The following MN1 variants were observed in gnomAD, a reference collection of about 807,000 sequenced individuals.
MN1 encodes MN1 proto-oncogene, transcriptional regulator.
MN1 carries 19 observed loss-of-function variants against 86.9 expected under a neutral mutation model. That is an observed-to-expected ratio of 0.22 (90% CI 0.15 to 0.32). The LOEUF (loss-of-function observed/expected upper bound fraction) is 0.32, where lower values mean the gene tolerates loss of function less well. Ranked by LOEUF, MN1 falls within the 10% of genes least tolerant of loss-of-function variation. The pLI is 1.00. For synonymous variants in MN1, 928 were observed against 849.6 expected, an observed-to-expected ratio of 1.09 and a Z score of -1.60; for missense variants, 1,841 against 1,862.0, an observed-to-expected ratio of 0.99 and a Z score of 0.21.
intron 1 of MN1, among the ~76,000 whole-genome samples, chr22:27,789,189 T>A (rs544987757): frequency 6.6e-6 from 1 of 152,280 alleles, no homozygotes; most frequent in East Asian, 1.9e-4. Flanking sequence ...TTTTGAGACA[T>A]GCAGGATAAA....
In MN1 at chr22:27,797,658, G is replaced by C; in HGVS notation, c.2886C>G (p.Tyr962Ter). 1 of 1,604,246 alleles carries C rather than the reference G, an allele frequency of 6.2e-7. No homozygotes were observed. The highest frequency in any genetic ancestry group is 8.5e-7 in the Non-Finnish European group (1 of 1,175,898). ...CGCCCCCGCTGTCCGGAGCCGCCGA[G>C]TACTTGTCAAAGAAGGTGCCAGGGC... ...HVSPGTFFDK[Y>*]SAAPDSGGAP... Residue 962 changes from tyrosine (Y) to a stop codon, truncating the protein, a stop_gained, in exon 1 of 2, where the codon TAC becomes TAG. Coordinates refer to ENST00000302326, the MANE Select transcript of MN1 (RefSeq NM_002430.3). LOFTEE classifies it high-confidence loss of function.
At chr22:27,766,766 G>C (rs1932872773) in intron 1 of MN1, among the ~76,000 whole-genome samples, 1 of 152,126 alleles carries the variant, frequency 6.6e-6, no homozygotes, top group East Asian at 1.9e-4. Flanking sequence ...AAGGGCAGAA[G>C]TGTGACTAGA....
Position 27,797,885 on chromosome 22 carries a change from C to T in MN1, c.2659G>A (p.Ala887Thr). 1.3e-6 allele frequency: 2 copies of T among 1,593,920 alleles called. No homozygotes were observed. The highest frequency in any genetic ancestry group is 1.7e-6 in the Non-Finnish European group (2 of 1,170,666). ...CCGGACGGGCCTCCGGGTCCTGGGG[C>T]CCCAGGAGCAGTCCCTCCTGGGAAG... ...DYFPGGTAPG[A>T]PGPGGPSGTS... The change falls in exon 1 of 2, where the codon GCC becomes ACC. Residue 887 changes from alanine to threonine, a missense_variant. Coordinates refer to ENST00000302326, the MANE Select transcript of MN1 (RefSeq NM_002430.3).
intron 1 of MN1, among the ~76,000 whole-genome samples, chr22:27,759,884 C>T (rs1418902780): frequency 6.6e-6 from 1 of 152,206 alleles, no homozygotes; most frequent in Non-Finnish European, 1.5e-5. Flanking sequence ...AGATATACAA[C>T]CCTCCCCCCA....
intron 1 of MN1, among the ~76,000 whole-genome samples, chr22:27,785,403 T>G (rs1013984190): frequency 2.6e-5 from 4 of 151,642 alleles, no homozygotes; most frequent in Non-Finnish European, 5.9e-5. Context: ...ACCAAAGGAG[T>G]CCTCCCCCAC....
Position 27,801,523 on chromosome 22 carries a change from G to A in MN1, c.-980C>T. On this transcript the variant is annotated 5_prime_UTR_variant, in exon 1 of 2. Coordinates refer to ENST00000302326, the MANE Select transcript of MN1 (RefSeq NM_002430.3). ...CTGAGGTGCTTCGCGAGTCCCTCTC[G>A]GACCTGAGGGAGGGGGGCGTACGCG... 5.4e-6 allele frequency: 1 copy of A among 184,340 alleles called. No homozygotes were observed. Among genetic ancestry groups the A allele is most frequent in the East Asian group, 8.7e-5 (1 of 11,480 alleles). 11.4% of individuals were successfully genotyped at this position (184,340 alleles called of 1,614,324 possible). A position where few individuals can be genotyped will look rare whatever the true frequency, so the allele number is the denominator to read the frequency against.
At position 27,798,268 on chromosome 22, in the gene MN1, C is replaced by T. The variant is rs1330671939; in HGVS notation, c.2276G>A (p.Ser759Asn). The change falls in exon 1 of 2, where the codon AGC (serine) becomes AAC (asparagine). Residue 759 changes from serine to asparagine, a missense_variant. Ser to Asn is a conservative substitution (Grantham distance 46, BLOSUM62 1). Coordinates refer to ENST00000302326, the MANE Select transcript of MN1 (RefSeq NM_002430.3). ...GGGGGGCGAGTTCACGCCTGGACCGCTGTGCGGCGTGGACTGCCGGCCGGC... is the reference window on the plus strand; with the variant it reads ...GGGGGGCGAGTTCACGCCTGGACCGTTGTGCGGCGTGGACTGCCGGCCGGC... Reference protein sequence around the residue: ...GAAGRQSTPHSGPGVNSPPSA... With the variant: ...GAAGRQSTPHNGPGVNSPPSA... The T allele has an allele frequency of 2.2e-5, 33 of 1,528,942 alleles. No homozygotes were observed. The highest frequency in any genetic ancestry group is 2.8e-5 in the Non-Finnish European group (32 of 1,148,618). The allele number at this position is 1,528,942 out of a possible 1,614,324, so 94.7% of individuals were successfully genotyped here.
rs1933076033 is a variant in MN1, at chr22:27,783,116, G to A, written c.3781+13647C>T. ...TTGCCATCACCAACCACCAACCAGG[G>A]GATGTACGTCGTGCTGCTTTTTTTT... On this transcript the variant is annotated intron_variant, in intron 1 of 1. Transcript: ENST00000302326. Among the ~76,000 whole-genome samples, 4 of 151,904 alleles carry A rather than the reference G, an allele frequency of 2.6e-5. No individual in the cohort carries two copies. The South Asian group carries it at 8.3e-4, about 32-fold the overall frequency.
intron 1 of MN1, among the ~76,000 whole-genome samples, chr22:27,796,017 C>T (rs1321889357): frequency 6.6e-6 from 1 of 152,052 alleles, no homozygotes; most frequent in Non-Finnish European, 1.5e-5. Context: ...ATCCATATCC[C>T]CATACACAAA....
At chr22:27,751,314 T>G (rs1374781774) in intron 1 of MN1, among the ~76,000 whole-genome samples, 1 of 152,114 alleles carries the variant, frequency 6.6e-6, no homozygotes, top group Non-Finnish European at 1.5e-5. Context: ...AAGACCTCCC[T>G]GTTGGGCCTC....
intron 1 of MN1, among the ~76,000 whole-genome samples, chr22:27,783,907 A>G (rs564847381): frequency 1.3e-5 from 2 of 152,354 alleles, no homozygotes; most frequent in South Asian, 4.1e-4. Flanking sequence ...GTCAGCAGAC[A>G]CTGGCCCATG....
At chr22:27,774,885 C>A (rs1932957413) in intron 1 of MN1, among the ~76,000 whole-genome samples, 1 of 152,166 alleles carries the variant, frequency 6.6e-6, no homozygotes, top group Admixed American at 6.5e-5. Flanking sequence ...TGACAATACC[C>A]AGGCCAGCTA....
intron 1 of MN1, among the ~76,000 whole-genome samples, chr22:27,767,308 T>A (rs917061455): frequency 2.6e-5 from 4 of 152,016 alleles, no homozygotes; most frequent in Non-Finnish European, 5.9e-5. Flanking sequence ...TGGGTGCCAA[T>A]AATACAAGAC....
chr22:27,790,522 C>A (rs575908619), intron 1 of MN1, among the ~76,000 whole-genome samples: 1 of 152,318 alleles, frequency 6.6e-6, no homozygotes, highest in Admixed American at 6.5e-5. Context: ...TGTGGCTGAG[C>A]TGTTCTGCAT....
In MN1 at chr22:27,750,582, A is replaced by T. The variant is rs1054171136; in HGVS notation, c.*333T>A. On this transcript the variant is annotated 3_prime_UTR_variant, in exon 2 of 2. Transcript: ENST00000302326. ...AAAACAAGGAAAGAGGTCATCTAAA[A>T]AATGTATGCCAAGATTACCGAAACA... 3.9e-6 allele frequency: 1 copy of T among 256,402 alleles called. No homozygotes were observed. Among genetic ancestry groups the T allele is most frequent in the Non-Finnish European group, 7.4e-6 (1 of 134,470 alleles). The allele number at this position is 256,402 out of a possible 1,614,324, so 15.9% of individuals were successfully genotyped here. A position where few individuals can be genotyped will look rare whatever the true frequency, so the allele number is the denominator to read the frequency against.
intron 1 of MN1, among the ~76,000 whole-genome samples, chr22:27,773,297 A>G (rs899354708): frequency 2.0e-5 from 3 of 152,196 alleles, no homozygotes; most frequent in Non-Finnish European, 4.4e-5. Flanking sequence ...GGTGGCTCCA[A>G]TGAGTTCATT....
In MN1 at chr22:27,751,091, C is replaced by A; in HGVS notation, c.3787G>T (p.Asp1263Tyr). ...PQNPNSKEAHDLPANKASASQ... is the reference protein window; with the variant it reads ...PQNPNSKEAHYLPANKASASQ... ...GCTGAGGCCTTGTTTGCAGGGAGGT[C>A]GTGGGCTGTGGAGAGAGAAGGAAGA... is the stretch of plus-strand genomic sequence containing the variant. The change falls in exon 2 of 2, where the codon GAC becomes TAC. Residue 1263 changes from aspartate to tyrosine, a missense_variant. Asp to Tyr is a radical substitution (Grantham distance 160). Transcript: ENST00000302326. 6.4e-7 allele frequency: 1 copy of A among 1,573,878 alleles called. No individual in the cohort carries two copies. Among genetic ancestry groups the A allele is most frequent in the Non-Finnish European group, 8.7e-7 (1 of 1,155,502 alleles).
chr22:27,783,856 C>T (rs1314541293), intron 1 of MN1, among the ~76,000 whole-genome samples: 1 of 152,188 alleles, frequency 6.6e-6, no homozygotes, highest in Non-Finnish European at 1.5e-5. Context: ...AAGGCGAGTC[C>T]GAATATCTCC....
At chr22:27,755,033 C>T (rs1033877498) in intron 1 of MN1, among the ~76,000 whole-genome samples, 9 of 152,186 alleles carry the variant, frequency 5.9e-5, no homozygotes, top group Non-Finnish European at 1.0e-4. Flanking sequence ...GCCCTTCATC[C>T]CCATTTGACA....
Sources: gnomAD v4.1 joint callset for allele counts (sites outside exome capture counted in the v4.1 genomes callset) on GRCh38, gnomAD v4.1.1 for gene constraint, MANE v1.5 for transcripts, NCBI Gene and HGNC (gene_info 2026-07-23, HGNC 2026-07-21) for gene names.